CHN2: variants seen among roughly 807,000 people sequenced by gnomAD.
CHN2 encodes the protein chimerin 2.
In CHN2, 35 loss-of-function variants were observed where a neutral mutation model predicts 56.3. The observed-to-expected ratio is 0.62, with a 90% CI of 0.47 to 0.82. The LOEUF (loss-of-function observed/expected upper bound fraction) is 0.82. Ranked by LOEUF, CHN2 falls within the 40% of genes least tolerant of loss-of-function variation. CHN2 has a pLI of 0.00. For missense variants in CHN2, 491 were observed against 580.5 expected, an observed-to-expected ratio of 0.85 and a Z score of 1.58; for synonymous variants, 210 against 212.8, an observed-to-expected ratio of 0.99 and a Z score of 0.12.
chr7:29,340,287 T>C (rs1796939312), intron 1 of CHN2, among the ~76,000 whole-genome samples: 2 of 152,150 alleles, frequency 1.3e-5, no homozygotes, highest in South Asian at 2.1e-4. Flanking sequence ...TTAAGTGTTA[T>C]GAGTAAATAT....
intron 6 of CHN2, among the ~76,000 whole-genome samples, chr7:29,458,672 C>G (rs183959789): frequency 6.6e-6 from 1 of 152,250 alleles, no homozygotes; most frequent in East Asian, 1.9e-4. Flanking sequence ...GCCAAGGTTG[C>G]AGCAGTCAAG....
intron 1 of CHN2, among the ~76,000 whole-genome samples, chr7:29,268,987 A>T (rs113133479): frequency 0.012 from 1,794 of 152,364 alleles, 16 homozygotes; most frequent in Middle Eastern, 0.041. Context: ...TGATACAAGC[A>T]TATAATGTGT....
intron 6 of CHN2, among the ~76,000 whole-genome samples, chr7:29,433,931 C>T (rs1302834486): frequency 6.6e-6 from 1 of 151,194 alleles, no homozygotes; most frequent in East Asian, 1.9e-4. Flanking sequence ...GGGAGAGAGG[C>T]AGGAAGGAAG....
intron 1 of CHN2, among the ~76,000 whole-genome samples, chr7:29,210,859 A>G (rs1006174516): frequency 3.3e-5 from 5 of 152,126 alleles, no homozygotes; most frequent in Non-Finnish European, 7.4e-5. Context: ...CAGAGTCCCA[A>G]TGCGAGAGTG....
At position 29,313,695 on chromosome 7, in the gene CHN2, C is replaced by T. The variant is rs141307278; in HGVS notation, c.50-40930C>T. Among the ~76,000 whole-genome samples, 256 of 152,300 alleles carry T rather than the reference C, an allele frequency of 1.7e-3. 2 individuals are homozygous for T. Among genetic ancestry groups the T allele is most frequent in the African/African-American group, 5.7e-3 (236 of 41,572 alleles). On this transcript the variant is annotated intron_variant, in intron 1 of 12. Coordinates refer to ENST00000222792, the MANE Select transcript of CHN2 (RefSeq NM_004067.4). ...CTACAATGGTCCACTTGGGAAAATTCCTCTAAGAGACTCATTGATACCTTG... is the reference window on the plus strand; with the variant it reads ...CTACAATGGTCCACTTGGGAAAATTTCTCTAAGAGACTCATTGATACCTTG...
At chr7:29,511,927 T>C (rs1791488156) in intron 12 of CHN2, among the ~76,000 whole-genome samples, 1 of 152,174 alleles carries the variant, frequency 6.6e-6, no homozygotes, top group South Asian at 2.1e-4. Context: ...TACCTGGATG[T>C]CGAAATGATT....
At chr7:29,283,349 T>G (rs1037421792) in intron 1 of CHN2, among the ~76,000 whole-genome samples, 4 of 152,178 alleles carry the variant, frequency 2.6e-5, no homozygotes, top group African/African-American at 9.7e-5. Flanking sequence ...CTAGGTTTGA[T>G]TCGCAGAATT....
intron 1 of CHN2, among the ~76,000 whole-genome samples, chr7:29,210,971 C>T (rs895805480): frequency 3.4e-4 from 51 of 152,076 alleles, no homozygotes; most frequent in African/African-American, 1.1e-3. Flanking sequence ...GCCTCGTAGG[C>T]CGCCCTAAGG....
chr7:29,350,767 T>G (rs944308505), intron 1 of CHN2, among the ~76,000 whole-genome samples: 2 of 152,196 alleles, frequency 1.3e-5, no homozygotes, highest in Non-Finnish European at 2.9e-5. Flanking sequence ...GAGAACTTGC[T>G]ATTGACCGGA....
At chr7:29,361,745 T>G (rs775157417) in intron 2 of CHN2, among the ~76,000 whole-genome samples, 6 of 152,214 alleles carry the variant, frequency 3.9e-5, no homozygotes, top group Non-Finnish European at 8.8e-5. Flanking sequence ...CCAGAAATGT[T>G]CCATCACCTG....
intron 1 of CHN2, among the ~76,000 whole-genome samples, chr7:29,273,343 G>GTATGTATA (rs1554387186): frequency 1.7e-4 from 10 of 58,170 alleles, no homozygotes; most frequent in South Asian, 5.3e-4. Flanking sequence ...ATATATATGT[G>GTATGTATA]TATATATATA....
intron 2 of CHN2, among the ~76,000 whole-genome samples, chr7:29,152,112 C>T (rs1793677882): frequency 6.6e-6 from 1 of 152,192 alleles, no homozygotes. Context: ...AAAAGTGACT[C>T]TATAGCCTCT....
chr7:29,297,275 C>G (rs1468932507), intron 1 of CHN2, among the ~76,000 whole-genome samples: 1 of 152,188 alleles, frequency 6.6e-6, no homozygotes, highest in Non-Finnish European at 1.5e-5. Flanking sequence ...GGCCTCACCC[C>G]CCATTCTCCT....
chr7:29,236,736 A>G (rs1171546125), intron 1 of CHN2, among the ~76,000 whole-genome samples: 2 of 152,192 alleles, frequency 1.3e-5, no homozygotes, highest in Non-Finnish European at 2.9e-5. Flanking sequence ...GGGTTGGCAA[A>G]TGGGTTCCTT....
At chr7:29,185,024 T>C (rs1054453844) in intron 2 of CHN2, among the ~76,000 whole-genome samples, 1 of 152,212 alleles carries the variant, frequency 6.6e-6, no homozygotes, top group African/African-American at 2.4e-5. Flanking sequence ...CCCCTCTTTC[T>C]GTCCAAGCTG....
At chr7:29,320,582 A>G (rs184883) in intron 1 of CHN2, among the ~76,000 whole-genome samples, 133,620 of 152,232 alleles carry the variant, frequency 0.88, 58,800 homozygotes, top group East Asian at 1. Flanking sequence ...ATATGGCATC[A>G]TTCCTCACTC....
chr7:29,467,207 T>G lies in CHN2; in HGVS notation c.577-13072T>G, dbSNP rs531041053. Among the ~76,000 whole-genome samples the G allele has an allele frequency of 3.9e-5, 6 of 152,352 alleles. No homozygotes were observed. In the East Asian group the frequency reaches 1.2e-3, roughly 29 times the overall value. On this transcript the variant is annotated intron_variant, in intron 6 of 12. Transcript: ENST00000222792. Reference sequence around the variant, plus strand: ...TATAAACCATCTCCTTAGGATAGATTCTTAGAAATTGAGTTACTGAATCTT... The same window carrying G: ...TATAAACCATCTCCTTAGGATAGATGCTTAGAAATTGAGTTACTGAATCTT...
intron 2 of CHN2, among the ~76,000 whole-genome samples, chr7:29,172,937 C>T (rs887673762): frequency 6.6e-6 from 1 of 151,890 alleles, no homozygotes; most frequent in Admixed American, 6.6e-5. Context: ...TTGAGACCAG[C>T]GTGGCCAGTA....
At chr7:29,355,402 G>A (rs922374781) in intron 2 of CHN2, among the ~76,000 whole-genome samples, 2 of 152,152 alleles carry the variant, frequency 1.3e-5, no homozygotes, top group African/African-American at 2.4e-5. Context: ...AACAGATAGC[G>A]AAGAACCTGT....
Sources: gnomAD v4.1 joint callset for allele counts (sites outside exome capture counted in the v4.1 genomes callset) on GRCh38, gnomAD v4.1.1 for gene constraint, MANE v1.5 for transcripts, NCBI Gene and HGNC (gene_info 2026-07-23, HGNC 2026-07-21) for gene names.